The following CLSTN2 variants were observed in gnomAD, a reference collection of about 807,000 sequenced individuals.
CLSTN2 encodes calsyntenin-2.
In CLSTN2, 48 loss-of-function variants were observed where a neutral mutation model predicts 101.2. That is an observed-to-expected ratio of 0.47 (90% confidence interval 0.38 to 0.60). The LOEUF (loss-of-function observed/expected upper bound fraction) is 0.60. Among genes scored for constraint, CLSTN2 ranks in the 20% least tolerant of loss-of-function variants. CLSTN2 has a pLI of 0.00. For missense variants in CLSTN2, 1,160 were observed against 1,238.2 expected (o/e 0.94, Z 0.95); for synonymous variants, 481 against 463.6 (o/e 1.04, Z -0.48).
chr3:140,442,867 C>T (rs1415625955), intron 5 of CLSTN2, among the ~76,000 whole-genome samples: 1 of 152,188 alleles, frequency 6.6e-6, no homozygotes, highest in Non-Finnish European at 1.5e-5. Context: ...CTGACTCACC[C>T]CCAATTCAGA....
chr3:140,035,121 T>C (rs1201906268), intron 1 of CLSTN2, among the ~76,000 whole-genome samples: 1 of 152,226 alleles, frequency 6.6e-6, no homozygotes, highest in Non-Finnish European at 1.5e-5. Context: ...ATATTGGAGC[T>C]TTTTTGAAGT....
chr3:140,548,395 G>C (rs150341098), intron 10 of CLSTN2, among the ~76,000 whole-genome samples: 3 of 152,204 alleles, frequency 2.0e-5, no homozygotes, highest in African/African-American at 7.2e-5. Flanking sequence ...CATGAGGAAC[G>C]AAAGACTGAA....
intron 2 of CLSTN2, among the ~76,000 whole-genome samples, chr3:140,241,963 A>T (rs1054412696): frequency 4.6e-5 from 7 of 151,660 alleles, no homozygotes; most frequent in Admixed American, 1.3e-4. Context: ...GCTGGAGTGC[A>T]ATGGCACAGT....
At chr3:140,225,393 T>G (rs1476736395) in intron 2 of CLSTN2, among the ~76,000 whole-genome samples, 2 of 152,260 alleles carry the variant, frequency 1.3e-5, no homozygotes, top group Non-Finnish European at 2.9e-5. Flanking sequence ...CTTGCTTGTT[T>G]AATTGCCCAT....
At chr3:140,286,648 T>A (rs1436292427) in intron 2 of CLSTN2, among the ~76,000 whole-genome samples, 1 of 152,184 alleles carries the variant, frequency 6.6e-6, no homozygotes, top group Non-Finnish European at 1.5e-5. Flanking sequence ...ATGTTTCTCA[T>A]CTCTCTCATT....
intron 1 of CLSTN2, among the ~76,000 whole-genome samples, chr3:140,072,095 G>C (rs538352935): frequency 5.3e-5 from 8 of 152,022 alleles, no homozygotes; most frequent in Non-Finnish European, 1.2e-4. Flanking sequence ...TTCTTCTACA[G>C]TTTGACCCAG....
At position 140,244,657 on chromosome 3, in the gene CLSTN2, C is replaced by T. The variant is rs1007894418; in HGVS notation, c.232+68584C>T. Among the ~76,000 whole-genome samples the T allele has an allele frequency of 2.6e-5, 4 of 152,220 alleles. No individual in the cohort carries two copies. In the South Asian group the frequency reaches 8.3e-4, roughly 32 times the overall value. On this transcript the variant is annotated intron_variant, in intron 2 of 16. Transcript: ENST00000458420. Reference sequence around the variant, plus strand: ...AACTTAACTGCAGTAAGAAAATGGCCTCTCTCCAAGACCAAGGCCTCACTT... The same window carrying T: ...AACTTAACTGCAGTAAGAAAATGGCTTCTCTCCAAGACCAAGGCCTCACTT...
intron 8 of CLSTN2, among the ~76,000 whole-genome samples, chr3:140,482,159 G>T (rs1313702651): frequency 1.3e-5 from 2 of 152,194 alleles, no homozygotes; most frequent in Non-Finnish European, 2.9e-5. Flanking sequence ...TCAGCATGAA[G>T]CGTTGTTGAA....
At chr3:140,298,139 T>G (rs2087021445) in intron 2 of CLSTN2, among the ~76,000 whole-genome samples, 1 of 152,220 alleles carries the variant, frequency 6.6e-6, no homozygotes, top group African/African-American at 2.4e-5. Flanking sequence ...ACTAAATACA[T>G]AGTGATTTTA....
chr3:140,355,173 A>C, intron 2 of CLSTN2, among the ~76,000 whole-genome samples: 1 of 152,186 alleles, frequency 6.6e-6, no homozygotes, highest in East Asian at 1.9e-4. Context: ...TGCATGGATA[A>C]AAAAAGTAAT....
intron 1 of CLSTN2, among the ~76,000 whole-genome samples, chr3:140,172,656 G>A (rs778511802): frequency 1.6e-4 from 24 of 152,174 alleles, no homozygotes; most frequent in Non-Finnish European, 3.2e-4. Flanking sequence ...AAAGAAAGAG[G>A]TTTAATTGGA....
At chr3:140,287,620 A>G (rs1362357823) in intron 2 of CLSTN2, among the ~76,000 whole-genome samples, 1 of 152,204 alleles carries the variant, frequency 6.6e-6, no homozygotes, top group Admixed American at 6.5e-5. Flanking sequence ...AAGTTGAGAA[A>G]AAAACATAGT....
chr3:140,257,074 A>G lies in CLSTN2; in HGVS notation c.232+81001A>G, dbSNP rs376287527. 1.9e-4 allele frequency among the ~76,000 whole-genome samples: 29 copies of G among 152,326 alleles called. No individual in the cohort carries two copies. In the South Asian group the frequency reaches 5.2e-3, roughly 27 times the overall value. ...ATGGGCACTTAATATTTTTTTAAAA[A>G]ACAAATTTGTTCATGAAACTGAATC... On this transcript the variant is annotated intron_variant, in intron 2 of 16. Coordinates refer to ENST00000458420, the MANE Select transcript of CLSTN2 (RefSeq NM_022131.3).
chr3:139,963,264 T>G (rs530877892), intron 1 of CLSTN2, among the ~76,000 whole-genome samples: 2 of 152,244 alleles, frequency 1.3e-5, no homozygotes, highest in Admixed American at 1.3e-4. Context: ...CCCTCCCTGT[T>G]TTTCTTGGAA....
intron 2 of CLSTN2, among the ~76,000 whole-genome samples, chr3:140,206,564 C>T (rs1018652383): frequency 9.2e-5 from 14 of 152,210 alleles, no homozygotes; most frequent in African/African-American, 3.1e-4. Context: ...AAACCAAACA[C>T]TGGGCTCTTA....
At chr3:140,329,641 C>A (rs1182768497) in intron 2 of CLSTN2, among the ~76,000 whole-genome samples, 1 of 152,040 alleles carries the variant, frequency 6.6e-6, no homozygotes, top group African/African-American at 2.4e-5. Context: ...AAACTCTTTT[C>A]TTTGATTTTA....
chr3:140,179,250 T>G (rs938245324), intron 2 of CLSTN2, among the ~76,000 whole-genome samples: 5 of 151,902 alleles, frequency 3.3e-5, no homozygotes, highest in African/African-American at 1.2e-4. Flanking sequence ...GAGGTATATG[T>G]TTTCACAACC....
At chr3:140,034,269 G>T (rs1462956922) in intron 1 of CLSTN2, among the ~76,000 whole-genome samples, 1 of 152,196 alleles carries the variant, frequency 6.6e-6, no homozygotes, top group Non-Finnish European at 1.5e-5. Flanking sequence ...AAGAGCAAAT[G>T]ATTTTCAGAG....
chr3:140,306,542 C>T lies in CLSTN2; in HGVS notation c.233-97087C>T, dbSNP rs566275578. Among the ~76,000 whole-genome samples, 404 of 152,260 alleles carry T rather than the reference C, an allele frequency of 2.7e-3. 3 individuals carry two copies. Among genetic ancestry groups the T allele is most frequent in the Non-Finnish European group, 4.1e-3 (277 of 68,032 alleles). The stretch of plus-strand genomic sequence containing the variant: ...AAAGGCAGACTGATCTCCTGATCTG[C>T]AGGACTTGAGAATTAGAGGAAATGA... On this transcript the variant is annotated intron_variant, in intron 2 of 16. Coordinates refer to ENST00000458420, the MANE Select transcript of CLSTN2 (RefSeq NM_022131.3).
Sources: allele counts gnomAD v4.1 joint callset (sites outside exome capture counted in the v4.1 genomes callset), GRCh38; gene constraint gnomAD v4.1.1; transcripts MANE v1.5; gene names NCBI Gene and HGNC (gene_info 2026-07-23, HGNC 2026-07-21).